Variants in FOXO3 observed in about 807,000 individuals in gnomAD.
The protein encoded by FOXO3 is forkhead box O3.
In FOXO3, 4 loss-of-function variants were observed where a neutral mutation model predicts 41.9. The observed-to-expected ratio is 0.10, with a 90% CI of 0.05 to 0.22. The LOEUF is 0.22. Among genes scored for constraint, FOXO3 ranks in the 10% least tolerant of loss-of-function variants. The pLI is 1.00. For missense variants in FOXO3, 534 were observed against 906.8 expected (o/e 0.59, Z 5.28); for synonymous variants, 318 against 389.3 (o/e 0.82, Z 2.16).
At chr6:108,629,613 A>G (rs558781542) in intron 1 of FOXO3, among the ~76,000 whole-genome samples, 20 of 152,004 alleles carry the variant, frequency 1.3e-4, no homozygotes, top group Non-Finnish European at 2.4e-4. Context: ...GTTAGCTGAT[A>G]TTTTTGCTTT....
At chr6:108,657,955 A>G (rs1582821998) in intron 1 of FOXO3, among the ~76,000 whole-genome samples, 1 of 152,326 alleles carries the variant, frequency 6.6e-6, no homozygotes, top group African/African-American at 2.4e-5. Flanking sequence ...TCAACCAAAC[A>G]CAGCATTCCC....
intron 2 of FOXO3, among the ~76,000 whole-genome samples, chr6:108,670,539 A>G (rs1779188753): frequency 6.6e-6 from 1 of 152,050 alleles, no homozygotes; most frequent in African/African-American, 2.4e-5. Flanking sequence ...TGTTAAACAA[A>G]GAGAAATTGC....
At chr6:108,606,689 G>T (rs1354396285) in intron 1 of FOXO3, among the ~76,000 whole-genome samples, 1 of 152,208 alleles carries the variant, frequency 6.6e-6, no homozygotes, top group African/African-American at 2.4e-5. Flanking sequence ...AGCCTGTTCT[G>T]CTTTTACCAA....
rs1320293317 is a variant in FOXO3, at chr6:108,684,715, T to C, written c.*4923T>C. ...TTGTGTATTCCACTTAAAACCGTAA[T>C]CTAGTTTGTAAAAGAGATGGTGACG... is the stretch of plus-strand genomic sequence containing the variant. On this transcript the variant is annotated 3_prime_UTR_variant, in exon 3 of 3. Transcript: ENST00000406360. 3 of 152,638 alleles carry C rather than the reference T, an allele frequency of 2.0e-5. No individual in the cohort carries two copies. Among genetic ancestry groups the C allele is most frequent in the South Asian group, 4.1e-4 (2 of 4,832 alleles). The allele number at this position is 152,638 out of a possible 1,614,324, so 9.5% of individuals were successfully genotyped here.
In FOXO3 at chr6:108,561,183, C is replaced by G. The variant is rs1266339093; in HGVS notation, c.-26C>G. On this transcript the variant is annotated 5_prime_UTR_variant, in exon 1 of 3. Transcript: ENST00000406360. The stretch of plus-strand genomic sequence containing the variant: ...GCGCGAGAGGAGAGCGCGAGAGCCC[C>G]AGCCGCGGGCGGGCGGGCGGCGAAG... 6.5e-7 allele frequency: 1 copy of G among 1,526,724 alleles called. No homozygotes were observed. Among genetic ancestry groups the G allele is most frequent in the Non-Finnish European group, 8.8e-7 (1 of 1,139,320 alleles). The allele number at this position is 1,526,724 out of a possible 1,614,324, so 94.6% of individuals were successfully genotyped here. A position where few individuals can be genotyped will look rare whatever the true frequency, so the allele number is the denominator to read the frequency against.
At chr6:108,601,931 G>A (rs1777066462) in intron 1 of FOXO3, among the ~76,000 whole-genome samples, 1 of 152,154 alleles carries the variant, frequency 6.6e-6, no homozygotes, top group African/African-American at 2.4e-5. Flanking sequence ...GGGCTATTTT[G>A]AATAAAGCCT....
chr6:108,613,695 C>CT (rs1342011241), intron 1 of FOXO3, among the ~76,000 whole-genome samples: 1 of 151,950 alleles, frequency 6.6e-6, no homozygotes, highest in Non-Finnish European at 1.5e-5. Flanking sequence ...CTTCCACTGA[C>CT]TTTTCCCCCG....
At chr6:108,616,061 C>G (rs985376315) in intron 1 of FOXO3, among the ~76,000 whole-genome samples, 1 of 150,614 alleles carries the variant, frequency 6.6e-6, no homozygotes, top group Non-Finnish European at 1.5e-5. Context: ...AATCTTGGCT[C>G]ATTGCAACCT....
intron 1 of FOXO3, among the ~76,000 whole-genome samples, chr6:108,609,476 G>C (rs1777298488): frequency 6.6e-6 from 1 of 152,176 alleles, no homozygotes; most frequent in South Asian, 2.1e-4. Flanking sequence ...CTGTGCTCTT[G>C]ATCTCTTTAG....
At chr6:108,649,026 A>T (rs1223395714) in intron 1 of FOXO3, among the ~76,000 whole-genome samples, 2 of 151,238 alleles carry the variant, frequency 1.3e-5, no homozygotes, top group East Asian at 3.9e-4. Flanking sequence ...AAAAAAAAAA[A>T]AAAAAAAGGA....
intron 1 of FOXO3, among the ~76,000 whole-genome samples, chr6:108,603,885 T>C (rs1777119638): frequency 6.6e-6 from 1 of 152,176 alleles, no homozygotes; most frequent in African/African-American, 2.4e-5. Context: ...CATGGTACAT[T>C]AGACAATTTT....
chr6:108,594,724 G>A (rs1448363992), intron 1 of FOXO3, among the ~76,000 whole-genome samples: 1 of 152,222 alleles, frequency 6.6e-6, no homozygotes, highest in Non-Finnish European at 1.5e-5. Flanking sequence ...TGGGTCTGGT[G>A]TGTCTCAGTG....
chr6:108,653,251 C>T (rs1291592033), intron 1 of FOXO3, among the ~76,000 whole-genome samples: 1 of 152,204 alleles, frequency 6.6e-6, no homozygotes, highest in African/African-American at 2.4e-5. Flanking sequence ...CTCCTGCCCC[C>T]TTCCCATTAA....
At chr6:108,576,093 C>T (rs1776254867) in intron 1 of FOXO3, among the ~76,000 whole-genome samples, 1 of 152,194 alleles carries the variant, frequency 6.6e-6, no homozygotes, top group African/African-American at 2.4e-5. Context: ...AGCTAGTATA[C>T]TGTTTCTTGA....
At chr6:108,669,350 T>C (rs1428292696) in intron 2 of FOXO3, among the ~76,000 whole-genome samples, 1 of 152,196 alleles carries the variant, frequency 6.6e-6, no homozygotes, top group Admixed American at 6.5e-5. Context: ...TTCTAGTATG[T>C]CTTTAAAATT....
intron 1 of FOXO3, among the ~76,000 whole-genome samples, chr6:108,655,441 A>G (rs1301453278): frequency 6.6e-6 from 1 of 152,218 alleles, no homozygotes; most frequent in Non-Finnish European, 1.5e-5. Flanking sequence ...GGGAATCATT[A>G]GATTGGAATC....
rs146090493 is a variant in FOXO3 at position 108,572,979 on chromosome 6, T to C, written c.621+11150T>C. Among the ~76,000 whole-genome samples, 1,032 of 151,740 alleles carry C rather than the reference T, an allele frequency of 6.8e-3. 17 individuals carry two copies. Among genetic ancestry groups the C allele is most frequent in the South Asian group, 0.055 (265 of 4,802 alleles). On this transcript the variant is annotated intron_variant, in intron 1 of 2. Transcript: ENST00000406360. ...CCTGGAGTGTGGGTGGGACTTTGGG[T>C]GGGGTACAAGAAATTAAAGAGCTTT...
chr6:108,651,223 G>A (rs1284346233), intron 1 of FOXO3, among the ~76,000 whole-genome samples: 3 of 152,182 alleles, frequency 2.0e-5, no homozygotes, highest in African/African-American at 7.2e-5. Flanking sequence ...GGGTATTCTG[G>A]TGTGTAGCAT....
chr6:108,618,386 G>A (rs934232735), intron 1 of FOXO3: 5 of 509,378 alleles, frequency 9.8e-6, no homozygotes, highest in African/African-American at 5.9e-5. Flanking sequence ...GAAGAAGGAG[G>A]CAGCAGCAGC....
Sources: allele counts gnomAD v4.1 joint callset (sites outside exome capture counted in the v4.1 genomes callset), GRCh38; gene constraint gnomAD v4.1.1; transcripts MANE v1.5; gene names NCBI Gene and HGNC (gene_info 2026-07-23, HGNC 2026-07-21).